Variants in BTBD18 observed in about 807,000 individuals in gnomAD.
The protein encoded by BTBD18 is BTB/POZ domain-containing protein 18.
For synonymous variants in BTBD18, 311 were observed against 324.4 expected (o/e 0.96, Z 0.44); for missense variants, 787 against 846.3 (o/e 0.93, Z 0.87).
chr11:57,744,107 G>A lies in BTBD18; in HGVS notation c.*27C>T. The A allele has an allele frequency of 1.2e-5, 13 of 1,075,382 alleles. No homozygotes were observed. The highest frequency in any genetic ancestry group is 1.8e-5 in the Non-Finnish European group (13 of 736,520). 66.6% of individuals were successfully genotyped at this position (1,075,382 alleles called of 1,614,324 possible). ...TAGCTAACATTTCCCACCCTCCCAAGGCCCCTAACCTGCCCTCCCCTCTCC... is the reference window on the plus strand; with the variant it reads ...TAGCTAACATTTCCCACCCTCCCAAAGCCCCTAACCTGCCCTCCCCTCTCC... On this transcript the variant is annotated 3_prime_UTR_variant, in exon 3 of 3. Transcript: ENST00000422652.
chr11:57,745,184 A>G lies in BTBD18; in HGVS notation c.1089T>C (p.Ile363=), dbSNP rs1169267819. 1 of 1,551,536 alleles carries G rather than the reference A, an allele frequency of 6.4e-7. No homozygotes were observed. Among genetic ancestry groups the G allele is most frequent in the Non-Finnish European group, 8.7e-7 (1 of 1,146,990 alleles). ...GQVGRVKLRK[I]VNGTCWEVVQ... is the part of the protein sequence containing the mutation. ...CCACTTCCCAGCAAGTCCCATTGACAATCTTCCTAAGTTTAACTCTCCCAA... is the reference window on the plus strand; with the variant it reads ...CCACTTCCCAGCAAGTCCCATTGACGATCTTCCTAAGTTTAACTCTCCCAA... The change falls in exon 3 of 3, where the codon ATT becomes ATC. Residue 363 remains isoleucine, a synonymous_variant. Coordinates refer to ENST00000422652, the MANE Select transcript of BTBD18 (RefSeq NM_001145101.3).
rs1404387021 is a variant in BTBD18 at position 57,751,081 on chromosome 11, G to A, written c.108C>T (p.Val36=). 1 of 1,541,184 alleles carries A rather than the reference G, an allele frequency of 6.5e-7. No individual in the cohort carries two copies. The highest frequency in any genetic ancestry group is 2.5e-5 in the East Asian group (1 of 40,222). ...CTCTCTTACCTTCTGCCTGCAGAAG[G>A]ACATCACAGAACACATCACTCTGCT... ...HQQQSDVFCD[V]LLQAEGEAVP... The change falls in exon 2 of 3, where the codon GTC becomes GTT. Residue 36 remains valine (V), a synonymous_variant. Coordinates refer to ENST00000422652, the MANE Select transcript of BTBD18 (RefSeq NM_001145101.3).
upstream of BTBD18, chr11:57,753,116 C>G (rs1949350154): frequency 7.0e-6 from 1 of 142,586 alleles, no homozygotes; most frequent in Non-Finnish European, 1.5e-5. Context: ...CGCCACACAC[C>G]TCGTGCCACC....
upstream of BTBD18, among the ~76,000 whole-genome samples, chr11:57,752,306 G>A (rs1231437651): frequency 6.6e-6 from 1 of 152,190 alleles, no homozygotes; most frequent in African/African-American, 2.4e-5. Context: ...AGGCCGAGGC[G>A]GGTGGATCAC....
chr11:57,748,584 A>G (rs1246926287), intron 2 of BTBD18, among the ~76,000 whole-genome samples: 3 of 151,698 alleles, frequency 2.0e-5, no homozygotes, highest in Non-Finnish European at 4.4e-5. Context: ...AAAGAATTTG[A>G]GCCAGAAAGT....
chr11:57,745,244 C>T lies in BTBD18; in HGVS notation c.1029G>A (p.Arg343=). ...GGSRKRSPEV[R]APNSDSAEEG... is the part of the protein sequence containing the mutation. ...CCTCTGCAGAGTCTGAGTTAGGTGC[C>T]CTGACTTCAGGGCTCCGCTTCCTGC... Residue 343 remains arginine, a synonymous_variant, in exon 3 of 3, where the codon AGG becomes AGA. Coordinates refer to ENST00000422652, the MANE Select transcript of BTBD18 (RefSeq NM_001145101.3). 1 of 1,551,704 alleles carries T rather than the reference C, an allele frequency of 6.4e-7. No individual in the cohort carries two copies. Among genetic ancestry groups the T allele is most frequent in the African/African-American group, 1.4e-5 (1 of 73,168 alleles).
Position 57,746,010 on chromosome 11 carries a change from T to A in BTBD18, c.263A>T (p.Lys88Met). The A allele has an allele frequency of 6.4e-7, 1 of 1,551,662 alleles. No homozygotes were observed. The highest frequency in any genetic ancestry group is 1.2e-5 in the South Asian group (1 of 84,062). ...TGAGGTATACAAGAAGTCCACCAGCTTCCTAAGTGTGCTGATCTTCAGGCC... is the reference window on the plus strand; with the variant it reads ...TGAGGTATACAAGAAGTCCACCAGCATCCTAAGTGTGCTGATCTTCAGGCC... ...LGGLKISTLRKLVDFLYTSEM... is the reference protein window; with the variant it reads ...LGGLKISTLRMLVDFLYTSEM... Residue 88 changes from lysine to methionine, a missense_variant, in exon 3 of 3, where the codon AAG becomes ATG. Coordinates refer to ENST00000422652, the MANE Select transcript of BTBD18 (RefSeq NM_001145101.3).
intron 1 of BTBD18, 84 bp from the exon 2 acceptor site, chr11:57,751,320 T>A (rs939270701): frequency 3.3e-5 from 22 of 670,274 alleles, no homozygotes; most frequent in Admixed American, 8.0e-5. Flanking sequence ...ATTTTGAAAG[T>A]GAGAGATAAT....
chr11:57,750,505 G>A (rs986757942), intron 2 of BTBD18, among the ~76,000 whole-genome samples: 4 of 152,232 alleles, frequency 2.6e-5, no homozygotes, highest in African/African-American at 9.6e-5. Flanking sequence ...AGACCAGCCT[G>A]GCCATCATGG....
chr11:57,745,874 G>T lies in BTBD18; in HGVS notation c.399C>A (p.Ala133=). 1 of 1,551,622 alleles carries T rather than the reference G, an allele frequency of 6.4e-7. No individual in the cohort carries two copies. Among genetic ancestry groups the T allele is most frequent in the Non-Finnish European group, 8.7e-7 (1 of 1,146,990 alleles). ...CTCGGTTCAGCCTTCGGCCCTGTGG[G>T]GCCTTCACCAACTTTCCACCCTCAA... The part of the protein sequence containing the change: ...LQLEGGKLVK[A]PQGRRLNREC... Residue 133 remains alanine, a synonymous_variant, in exon 3 of 3, where the codon GCC becomes GCA. Coordinates refer to ENST00000422652, the MANE Select transcript of BTBD18 (RefSeq NM_001145101.3).
chr11:57,746,062 C>G lies in BTBD18; in HGVS notation c.211G>C (p.Gly71Arg). The G allele has an allele frequency of 2.6e-6, 4 of 1,551,680 alleles. No homozygotes were observed. Among genetic ancestry groups the G allele is most frequent in the Non-Finnish European group, 3.5e-6 (4 of 1,146,982 alleles). The change falls in exon 3 of 3, where the codon GGT (glycine) becomes CGT (arginine). Residue 71 changes from glycine to arginine, a missense_variant. Coordinates refer to ENST00000422652, the MANE Select transcript of BTBD18 (RefSeq NM_001145101.3). The stretch of plus-strand genomic sequence containing the variant: ...CCCAGCTCTAGCACCACCTTCCCAC[C>G]CTGAGCTGGCCTCTCCCGCTCCAGG... ...ERLERERPAQ[G>R]GKVVLELGGL...
upstream of BTBD18, among the ~76,000 whole-genome samples, chr11:57,752,415 T>G (rs1949330358): frequency 6.6e-6 from 1 of 151,918 alleles, no homozygotes; most frequent in African/African-American, 2.4e-5. Flanking sequence ...GCGCCTGTAA[T>G]CTCAGCTACT....
intron 2 of BTBD18, among the ~76,000 whole-genome samples, chr11:57,747,105 G>A (rs12292393): frequency 0.025 from 3,770 of 152,348 alleles, 167 homozygotes; most frequent in African/African-American, 0.086. Flanking sequence ...AAAGAGCTAT[G>A]GAGGTGGATG....
At position 57,751,616 on chromosome 11, in the gene BTBD18, AT is replaced by A. The variant is rs1949313084; in HGVS notation, c.-125del. The stretch of plus-strand genomic sequence containing the variant: ...TAGCACAGTGAGTGCCTGGCACAAA[AT>A]AACTACCAAGCCCCAAATGGTAACT... On this transcript the variant is annotated 5_prime_UTR_variant, in exon 1 of 3. Transcript: ENST00000422652. The A allele has an allele frequency of 6.5e-6, 1 of 152,912 alleles. No homozygotes were observed. Among genetic ancestry groups the A allele is most frequent in the South Asian group, 2.1e-4 (1 of 4,868 alleles). 9.5% of individuals were successfully genotyped at this position (152,912 alleles called of 1,614,324 possible). A position where few individuals can be genotyped will look rare whatever the true frequency, so the allele number is the denominator to read the frequency against.
At chr11:57,750,278 G>C (rs1215116290) in intron 2 of BTBD18, among the ~76,000 whole-genome samples, 2 of 152,344 alleles carry the variant, frequency 1.3e-5, no homozygotes, top group Non-Finnish European at 2.9e-5. Context: ...TCGGGAGGCT[G>C]AGGCGGCAGA....
chr11:57,751,103 T>C lies in BTBD18; in HGVS notation c.86A>G (p.Gln29Arg), dbSNP rs1372035070. The C allele has an allele frequency of 3.7e-5, 58 of 1,550,638 alleles. No homozygotes were observed. Among genetic ancestry groups the C allele is most frequent in the Non-Finnish European group, 5.0e-5 (57 of 1,146,610 alleles). ...LAFLQLHHQQ[Q>R]SDVFCDVLLQ... ...AAGGACATCACAGAACACATCACTC[T>C]GCTGCTGGTGATGAAGCTGCAGAAA... The change falls in exon 2 of 3, where the codon CAG (glutamine) becomes CGG (arginine). Residue 29 changes from glutamine to arginine, a missense_variant. Physicochemically the swap from Gln to Arg is conservative, Grantham distance 43. Transcript: ENST00000422652.
At chr11:57,750,947 G>A in intron 2 of BTBD18, 118 bp downstream of exon 2, 1 of 778,672 alleles carries the variant, frequency 1.3e-6, no homozygotes, top group Non-Finnish European at 1.8e-6. Context: ...TTACCAAATA[G>A]TTTACAGTGG....
chr11:57,750,706 A>G (rs1042935540), intron 2 of BTBD18, among the ~76,000 whole-genome samples: 1 of 152,234 alleles, frequency 6.6e-6, no homozygotes, highest in African/African-American at 2.4e-5. Flanking sequence ...AAGAAAACAT[A>G]ATAGTATCAT....
chr11:57,747,712 T>C (rs1949224539), intron 2 of BTBD18, among the ~76,000 whole-genome samples: 1 of 152,148 alleles, frequency 6.6e-6, no homozygotes, highest in African/African-American at 2.4e-5. Flanking sequence ...TTGGCCAGGC[T>C]GATCTTGAAC....
Sources: gnomAD v4.1 joint callset for allele counts (sites outside exome capture counted in the v4.1 genomes callset) on GRCh38, gnomAD v4.1.1 for gene constraint, MANE v1.5 for transcripts, NCBI Gene and HGNC (gene_info 2026-07-23, HGNC 2026-07-21) for gene names.